PCNX1: variants seen among roughly 807,000 people sequenced by gnomAD.
PCNX1 encodes the protein pecanex-like protein 1.
A neutral mutation model predicts 242.2 loss-of-function variants in PCNX1; 78 were observed. The observed-to-expected ratio is 0.32, with a 90% CI of 0.27 to 0.39. PCNX1 has a LOEUF of 0.39. Among genes scored for constraint, PCNX1 ranks in the 10% least tolerant of loss-of-function variants. The pLI is 1.00. For synonymous variants in PCNX1, 1,024 were observed against 1,032.9 expected (o/e 0.99, Z 0.17); for missense variants, 2,581 against 2,856.5 (o/e 0.90, Z 2.20).
intron 28 of PCNX1, among the ~76,000 whole-genome samples, chr14:71,082,938 G>T (rs2061892349): frequency 6.6e-6 from 1 of 152,180 alleles, no homozygotes; most frequent in African/African-American, 2.4e-5. Flanking sequence ...TTTCTTCATA[G>T]TGTCAGTGGT....
At chr14:71,026,315 C>A (rs377487950) in intron 14 of PCNX1, 27 bp downstream of exon 14, 8 of 1,379,392 alleles carry the variant, frequency 5.8e-6, no homozygotes, top group Non-Finnish European at 7.9e-6. Flanking sequence ...TATCTCTAAT[C>A]TTAAAATTAA....
intron 8 of PCNX1, 62 bp downstream of exon 8, chr14:70,995,987 C>A: frequency 1.7e-6 from 2 of 1,205,110 alleles, no homozygotes; most frequent in Non-Finnish European, 2.5e-6. Context: ...TGATGGGTAA[C>A]AATTGCAGTT....
intron 1 of PCNX1, among the ~76,000 whole-genome samples, chr14:70,943,246 G>A (rs573173411): frequency 6.6e-6 from 1 of 152,352 alleles, no homozygotes; most frequent in East Asian, 1.9e-4. Flanking sequence ...GGTTGGAACA[G>A]TTTGGAGGGC....
At chr14:71,017,626 C>T (rs368261968) in intron 11 of PCNX1, among the ~76,000 whole-genome samples, 3 of 152,044 alleles carry the variant, frequency 2.0e-5, no homozygotes, top group African/African-American at 7.2e-5. Flanking sequence ...AAAACAAGAT[C>T]ATTAAAACAA....
intron 1 of PCNX1, among the ~76,000 whole-genome samples, chr14:70,941,496 C>G (rs548000027): frequency 6.6e-6 from 1 of 152,174 alleles, no homozygotes; most frequent in African/African-American, 2.4e-5. Context: ...CTGGAAGCTT[C>G]GTCTCAGAGG....
intron 31 of PCNX1, 118 bp downstream of exon 31, chr14:71,102,338 A>T (rs1242799307): frequency 1.5e-6 from 1 of 659,956 alleles, no homozygotes; most frequent in Non-Finnish European, 2.7e-6. Context: ...CAGTGGCATG[A>T]TCATGGGCTT....
In PCNX1 at chr14:71,109,446, A is replaced by G. The variant is rs761701523; in HGVS notation, c.6745-6A>G. 1.2e-6 allele frequency: 2 copies of G among 1,607,714 alleles called. No homozygotes were observed. Among genetic ancestry groups the G allele is most frequent in the Admixed American group, 3.4e-5 (2 of 58,402 alleles). ...TGAATTGGAAATGTTTTTATTTACCATGTAGATTGTGGATCCCAGTCAAAT... is the reference window on the plus strand; with the variant it reads ...TGAATTGGAAATGTTTTTATTTACCGTGTAGATTGTGGATCCCAGTCAAAT... On this transcript the variant is annotated splice_polypyrimidine_tract_variant and splice_region_variant and intron_variant, in intron 34 of 35. Coordinates refer to ENST00000304743, the MANE Select transcript of PCNX1 (RefSeq NM_014982.3).
intron 8 of PCNX1, among the ~76,000 whole-genome samples, chr14:70,998,112 T>C (rs1227503245): frequency 2.0e-5 from 3 of 152,222 alleles, no homozygotes; most frequent in Non-Finnish European, 2.9e-5. Flanking sequence ...TACATGTACG[T>C]ATGCTGTTTT....
Position 70,994,426 on chromosome 14 carries a change from T to TATAG in PCNX1, c.2445-1312_2445-1311insGATA, listed in dbSNP as rs1555357421. On this transcript the variant is annotated intron_variant, in intron 7 of 35. Coordinates refer to ENST00000304743, the MANE Select transcript of PCNX1 (RefSeq NM_014982.3). Reference sequence around the variant, plus strand: ...ATATATATATATATATATATATATATATATGTATGTATGTATGTTTCAACA... The same window carrying TATAG: ...ATATATATATATATATATATATATATATAGATATGTATGTATGTATGTTTCAACA... Among the ~76,000 whole-genome samples the TATAG allele has an allele frequency of 8.5e-4, 98 of 114,980 alleles. 1 individual carries two copies. The highest frequency in any genetic ancestry group is 1.5e-3 in the Non-Finnish European group (79 of 54,208). 75.4% of individuals were successfully genotyped at this position (114,980 alleles called of 152,430 possible). A position where few individuals can be genotyped will look rare whatever the true frequency, so the allele number is the denominator to read the frequency against.
intron 1 of PCNX1, among the ~76,000 whole-genome samples, chr14:70,945,367 A>G (rs1490220945): frequency 6.6e-6 from 1 of 152,148 alleles, no homozygotes; most frequent in East Asian, 1.9e-4. Context: ...ATAAGCCCAA[A>G]CCAGTTATTC....
At chr14:70,989,277 T>G (rs113791094) in intron 7 of PCNX1, among the ~76,000 whole-genome samples, 11 of 151,392 alleles carry the variant, frequency 7.3e-5, no homozygotes, top group Non-Finnish European at 5.9e-5. Flanking sequence ...TGGAGAGAGA[T>G]ATATATTTAT....
At chr14:71,049,255 A>G (rs1233053440) in intron 22 of PCNX1, 1 of 249,728 alleles carries the variant, frequency 4.0e-6, no homozygotes, top group African/African-American at 2.3e-5. Context: ...ACTGTTTTAG[A>G]ACTGTTCTAG....
In PCNX1 at chr14:71,103,636, A is replaced by T; in HGVS notation, c.6062A>T (p.Asn2021Ile). ...DILGGPISLGNIRNFIVSTWH... is the reference protein window; with the variant it reads ...DILGGPISLGIIRNFIVSTWH... ...CTTGGGGGTCCTATCAGCTTGGGAA[A>T]TATCAGGAACTTCATAGTGTCAACC... The change falls in exon 32 of 36, where the codon AAT becomes ATT. Residue 2021 changes from asparagine to isoleucine, a missense_variant. Around this residue, in one of 9 missense-constraint regions of PCNX1, gnomAD observed 432 missense variants for 433.6 expected, o/e 1.00. Transcript: ENST00000304743. The T allele has an allele frequency of 6.2e-7, 1 of 1,614,164 alleles. No homozygotes were observed.
intron 3 of PCNX1, 24 bp from the exon 4 acceptor site, chr14:70,968,174 A>G (rs767243056): frequency 1.3e-6 from 2 of 1,589,750 alleles, no homozygotes; most frequent in Non-Finnish European, 1.7e-6. Flanking sequence ...AATTAGTTTT[A>G]TTTACTTCAT....
In PCNX1 at chr14:71,032,562, G is replaced by A. The variant is rs144998255; in HGVS notation, c.3559-867G>A. On this transcript the variant is annotated intron_variant, in intron 16 of 35. Transcript: ENST00000304743. The stretch of plus-strand genomic sequence containing the variant: ...GATGTAGCTATTAAAAAAATAAAAT[G>A]TCTGTGTTATGATGTGAAACAATTC... 2.8e-3 allele frequency among the ~76,000 whole-genome samples: 428 copies of A among 152,276 alleles called. 1 individual carries two copies. The highest frequency in any genetic ancestry group is 9.6e-3 in the African/African-American group (398 of 41,550).
intron 24 of PCNX1, 76 bp downstream of exon 24, chr14:71,052,088 G>T: frequency 9.6e-7 from 1 of 1,037,138 alleles, no homozygotes. Flanking sequence ...ATTATTATTA[G>T]AATTTATGGT....
intron 22 of PCNX1, 109 bp from the exon 23 acceptor site, chr14:71,050,543 C>A: frequency 1.1e-6 from 1 of 917,686 alleles, no homozygotes; most frequent in Non-Finnish European, 1.6e-6. Flanking sequence ...ATGCCATTTC[C>A]CTATTAGGAG....
In PCNX1 at chr14:71,033,468, A is replaced by G. The variant is rs766037066; in HGVS notation, c.3598A>G (p.Ile1200Val). The change falls in exon 17 of 36, where the codon ATT (isoleucine) becomes GTT (valine). Residue 1200 changes from isoleucine (I) to valine (V), a missense_variant. Ile to Val is a conservative substitution (Grantham distance 29). Transcript: ENST00000304743. The part of the protein sequence containing the change: ...DGQHIPVLFS[I>V]FCGLLVAVSY... ...CCAGCATATTCCAGTACTTTTCTCC[A>G]TTTTTTGTGGTTTATTAGTGGCAGT... 1 of 1,610,040 alleles carries G rather than the reference A, an allele frequency of 6.2e-7. No individual in the cohort carries two copies. Among genetic ancestry groups the G allele is most frequent in the Admixed American group, 1.7e-5 (1 of 59,896 alleles).
At chr14:71,075,354 G>A (rs752806417) in intron 27 of PCNX1, among the ~76,000 whole-genome samples, 3 of 151,994 alleles carry the variant, frequency 2.0e-5, no homozygotes, top group African/African-American at 4.8e-5. Context: ...TGGGATGAAC[G>A]CTGAGCCTTC....
Sources: allele counts gnomAD v4.1 joint callset (sites outside exome capture counted in the v4.1 genomes callset), GRCh38; gene constraint gnomAD v4.1.1; regional missense constraint gnomAD v4.1.1; transcripts MANE v1.5; gene names NCBI Gene and HGNC (gene_info 2026-07-23, HGNC 2026-07-21).